HS6ST3: variants seen among roughly 807,000 people sequenced by gnomAD.
The protein encoded by HS6ST3 is heparan-sulfate 6-O-sulfotransferase 3.
HS6ST3 carries 12 observed loss-of-function variants against 36.7 expected under a neutral mutation model. The observed-to-expected ratio is 0.33, with a 90% CI of 0.21 to 0.53. HS6ST3 has a LOEUF of 0.53. HS6ST3 is among the 20% of genes least tolerant of loss of function. The probability of loss-of-function intolerance (pLI) is 0.95; values close to 1 mark genes in which losing one functional copy is unlikely to be tolerated. For synonymous variants in HS6ST3, 240 were observed against 257.5 expected (o/e 0.93, Z 0.65); for missense variants, 584 against 640.9 (o/e 0.91, Z 0.96).
intron 1 of HS6ST3, among the ~76,000 whole-genome samples, chr13:96,179,132 T>A (rs1018600550): frequency 2.0e-5 from 3 of 152,190 alleles, no homozygotes; most frequent in African/African-American, 7.2e-5. Context: ...AGTTAAATGA[T>A]GAATATCTCT....
intron 1 of HS6ST3, among the ~76,000 whole-genome samples, chr13:96,128,494 T>C (rs1240955813): frequency 2.6e-5 from 4 of 152,152 alleles, no homozygotes; most frequent in African/African-American, 7.2e-5. Flanking sequence ...CTCTCCTCCT[T>C]AGTTGGCTCC....
chr13:96,400,254 CACAT>C (rs2055443456), intron 1 of HS6ST3, among the ~76,000 whole-genome samples: 1 of 150,974 alleles, frequency 6.6e-6, no homozygotes, highest in Non-Finnish European at 1.5e-5. Flanking sequence ...CAGATACACA[CACAT>C]ACACACAGAC....
intron 1 of HS6ST3, among the ~76,000 whole-genome samples, chr13:96,273,635 A>G (rs1457297240): frequency 6.6e-6 from 1 of 152,110 alleles, no homozygotes; most frequent in East Asian, 1.9e-4. Context: ...AACTGGAGTC[A>G]CTGCCAGAAC....
chr13:96,114,549 A>G (rs993580171), intron 1 of HS6ST3, among the ~76,000 whole-genome samples: 10 of 152,306 alleles, frequency 6.6e-5, no homozygotes, highest in Non-Finnish European at 1.5e-4. Flanking sequence ...TGACTGGGGA[A>G]GGTAACTTAC....
intron 1 of HS6ST3, among the ~76,000 whole-genome samples, chr13:96,339,157 G>A (rs997640091): frequency 6.6e-6 from 1 of 152,172 alleles, no homozygotes; most frequent in Admixed American, 6.5e-5. Flanking sequence ...TGAGCCAAGT[G>A]TGGTGTGTTT....
At chr13:96,307,082 G>C (rs1328466746) in intron 1 of HS6ST3, among the ~76,000 whole-genome samples, 1 of 152,124 alleles carries the variant, frequency 6.6e-6, no homozygotes, top group Non-Finnish European at 1.5e-5. Flanking sequence ...TATAGGAAAG[G>C]GTAGTGGTAG....
At chr13:96,536,730 C>A (rs923640323) in intron 1 of HS6ST3, among the ~76,000 whole-genome samples, 2 of 152,166 alleles carry the variant, frequency 1.3e-5, no homozygotes, top group Non-Finnish European at 2.9e-5. Flanking sequence ...CTGAAACAGC[C>A]AGGTAGAATG....
chr13:96,351,320 C>CTTTTTTTTTTTTTTT (rs11348541), intron 1 of HS6ST3, among the ~76,000 whole-genome samples: 2 of 143,152 alleles, frequency 1.4e-5, no homozygotes, highest in African/African-American at 5.3e-5. Flanking sequence ...AGGTGGCAGT[C>CTTTTTTTTTTTTTTT]TTTTTTTTTT....
intron 1 of HS6ST3, among the ~76,000 whole-genome samples, chr13:96,748,358 T>C (rs1279020344): frequency 6.6e-6 from 1 of 151,752 alleles, no homozygotes; most frequent in Non-Finnish European, 1.5e-5. Flanking sequence ...GGATGTGGAG[T>C]GTTATGAAAA....
chr13:96,182,519 T>C lies in HS6ST3; in HGVS notation c.707+90950T>C, dbSNP rs182929070. On this transcript the variant is annotated intron_variant, in intron 1 of 1. Coordinates refer to ENST00000376705, the MANE Select transcript of HS6ST3 (RefSeq NM_153456.4). ...TTAAGTTTGTGAAGTAGAATGTTAA[T>C]GAAGAGGAGTATTGATTTTATTTTA... is the stretch of plus-strand genomic sequence containing the variant. Among the ~76,000 whole-genome samples, 41 of 152,294 alleles carry C rather than the reference T, an allele frequency of 2.7e-4. 1 individual carries two copies. The East Asian group carries it at 7.9e-3, about 29-fold the overall frequency.
intron 1 of HS6ST3, among the ~76,000 whole-genome samples, chr13:96,106,613 C>T (rs1173718858): frequency 6.6e-6 from 1 of 152,206 alleles, no homozygotes; most frequent in African/African-American, 2.4e-5. Context: ...AATCTGATCA[C>T]AGAGCACAGG....
chr13:96,212,752 G>T (rs757829191), intron 1 of HS6ST3, among the ~76,000 whole-genome samples: 1 of 152,058 alleles, frequency 6.6e-6, no homozygotes, highest in African/African-American at 2.4e-5. Context: ...TTTGGGGAGC[G>T]GGAAGACTAG....
In HS6ST3 at chr13:96,665,596, T is replaced by C. The variant is rs148052773; in HGVS notation, c.708-166894T>C. Reference sequence around the variant, plus strand: ...AGGGTAGAAGAGTGGGAAAAGAATTTCTAGCACAGGGGCAAAAATGTACAA... The same window carrying C: ...AGGGTAGAAGAGTGGGAAAAGAATTCCTAGCACAGGGGCAAAAATGTACAA... On this transcript the variant is annotated intron_variant, in intron 1 of 1. Coordinates refer to ENST00000376705, the MANE Select transcript of HS6ST3 (RefSeq NM_153456.4). Among the ~76,000 whole-genome samples the C allele has an allele frequency of 8.3e-4, 126 of 152,062 alleles. 1 individual carries two copies. In the South Asian group the frequency reaches 9.3e-3, roughly 11 times the overall value.
intron 1 of HS6ST3, among the ~76,000 whole-genome samples, chr13:96,199,600 G>A (rs1445898226): frequency 1.3e-5 from 2 of 152,054 alleles, no homozygotes; most frequent in Non-Finnish European, 2.9e-5. Context: ...TTTTTTGGGG[G>A]TTCTGATTTC....
At chr13:96,216,999 C>G (rs984042987) in intron 1 of HS6ST3, among the ~76,000 whole-genome samples, 2 of 152,150 alleles carry the variant, frequency 1.3e-5, no homozygotes, top group African/African-American at 2.4e-5. Context: ...TGACCACACC[C>G]TGTCTTCTCT....
intron 1 of HS6ST3, among the ~76,000 whole-genome samples, chr13:96,386,201 G>T (rs555741098): frequency 6.6e-6 from 1 of 152,194 alleles, no homozygotes; most frequent in Non-Finnish European, 1.5e-5. Flanking sequence ...ATTGATTTGC[G>T]TAAATAAATA....
intron 1 of HS6ST3, among the ~76,000 whole-genome samples, chr13:96,757,548 T>C (rs1876862971): frequency 6.6e-6 from 1 of 152,210 alleles, no homozygotes; most frequent in Non-Finnish European, 1.5e-5. Flanking sequence ...CTATGATTTG[T>C]CTCGATCTTA....
At chr13:96,461,656 G>A (rs1290305590) in intron 1 of HS6ST3, among the ~76,000 whole-genome samples, 1 of 152,164 alleles carries the variant, frequency 6.6e-6, no homozygotes, top group Non-Finnish European at 1.5e-5. Flanking sequence ...TCTGCAAGGT[G>A]GATAAGCTCC....
intron 1 of HS6ST3, among the ~76,000 whole-genome samples, chr13:96,296,417 A>T (rs892305432): frequency 6.6e-6 from 1 of 152,114 alleles, no homozygotes. Flanking sequence ...TGATTTCAGA[A>T]TGGGTTCTTG....
Sources: gnomAD v4.1 joint callset for allele counts (sites outside exome capture counted in the v4.1 genomes callset) on GRCh38, gnomAD v4.1.1 for gene constraint, MANE v1.5 for transcripts, NCBI Gene and HGNC (gene_info 2026-07-23, HGNC 2026-07-21) for gene names.